ZNF721: variants seen among roughly 807,000 people sequenced by gnomAD.
ZNF721 encodes the protein zinc finger protein 721.
In ZNF721, 2 loss-of-function variants were observed where a neutral mutation model predicts 2.4. The observed-to-expected ratio is 0.82, with a 90% CI of 0.34 to 2.58. The LOEUF (loss-of-function observed/expected upper bound fraction) is 2.58. ZNF721 is among the 30% of genes most tolerant of loss of function. The pLI is 0.11. For synonymous variants in ZNF721, 398 were observed against 381.8 expected (o/e 1.04, Z -0.50); for missense variants, 1,187 against 1,085.5 (o/e 1.09, Z -1.31).
chr4:489,305 A>G (rs1715968768), intron 1 of ZNF721, among the ~76,000 whole-genome samples: 1 of 152,130 alleles, frequency 6.6e-6, no homozygotes, highest in East Asian at 1.9e-4. Flanking sequence ...TGCCACATAA[A>G]AGACCCAGAA....
chr4:451,271 C>G (rs192255299), intron 2 of ZNF721, among the ~76,000 whole-genome samples: 2 of 152,088 alleles, frequency 1.3e-5, no homozygotes, highest in African/African-American at 4.8e-5. Flanking sequence ...AGCCCCTTGA[C>G]GTCTTCAGCC....
intron 1 of ZNF721, among the ~76,000 whole-genome samples, chr4:486,098 G>C (rs1190475376): frequency 1.3e-5 from 2 of 152,060 alleles, no homozygotes; most frequent in Non-Finnish European, 1.5e-5. Context: ...ATGCATCCAA[G>C]GGTAAGAAGC....
rs150978468 is a variant in ZNF721 at position 446,878 on chromosome 4, A to T, written c.35-2446T>A. Among the ~76,000 whole-genome samples the T allele has an allele frequency of 4.6e-3, 695 of 151,314 alleles. 3 individuals carry two copies. The highest frequency in any genetic ancestry group is 7.8e-3 in the Non-Finnish European group (531 of 67,854). On this transcript the variant is annotated intron_variant, in intron 2 of 2. Transcript: ENST00000511833. ...GCAAATTTTTGCATTTCTGGTGAAG[A>T]TGGGGTTTCAACATGTTGACCAGGA...
chr4:487,450 GAGGCAAAC>G (rs2108721896), intron 1 of ZNF721, among the ~76,000 whole-genome samples: 1 of 152,268 alleles, frequency 6.6e-6, no homozygotes, highest in East Asian at 1.9e-4. Flanking sequence ...ACACCTGAAG[GAGGCAAAC>G]TGAGCCCAGA....
chr4:478,826 G>A (rs1367779674), intron 1 of ZNF721, among the ~76,000 whole-genome samples: 11 of 149,754 alleles, frequency 7.3e-5, no homozygotes, highest in African/African-American at 2.5e-4. Flanking sequence ...CTGGAGTGCA[G>A]TGGCACGATC....
chr4:484,658 AG>A (rs1210970806), intron 1 of ZNF721, among the ~76,000 whole-genome samples: 1 of 152,196 alleles, frequency 6.6e-6, no homozygotes, highest in Admixed American at 6.5e-5. Flanking sequence ...CAGGCTTATT[AG>A]GAAGAGGAAA....
At chr4:458,573 G>A (rs1048290028) in intron 2 of ZNF721, among the ~76,000 whole-genome samples, 10 of 152,168 alleles carry the variant, frequency 6.6e-5, no homozygotes, top group East Asian at 5.8e-4. Context: ...TAAGCCAGGC[G>A]TGGTAGCTCA....
chr4:443,684 G>A lies in ZNF721; in HGVS notation c.783C>T (p.Ser261=). 1 of 1,613,908 alleles carries A rather than the reference G, an allele frequency of 6.2e-7. No individual in the cohort carries two copies. Among genetic ancestry groups the A allele is most frequent in the Non-Finnish European group, 8.5e-7 (1 of 1,179,894 alleles). ...CKECGKVISS[S]SSFAKHKRIH... The stretch of plus-strand genomic sequence containing the variant: ...TCCTCTTATGTTTAGCAAAGCTTGA[G>A]GATGAGGAAATGACTTTGCCACATT... The change falls in exon 3 of 3, where the codon TCC becomes TCT. Residue 261 remains serine (S), a synonymous_variant. Transcript: ENST00000511833.
intron 2 of ZNF721, among the ~76,000 whole-genome samples, chr4:465,592 C>T (rs188318024): frequency 2.2e-3 from 330 of 151,950 alleles, no homozygotes; most frequent in African/African-American, 7.5e-3. Context: ...CCACCATGCC[C>T]GGCTAATTTT....
chr4:451,873 T>C (rs1343602868), intron 2 of ZNF721, among the ~76,000 whole-genome samples: 1 of 152,146 alleles, frequency 6.6e-6, no homozygotes, highest in African/African-American at 2.4e-5. Flanking sequence ...CCCTTGGCCA[T>C]TGAGTGGTCC....
At chr4:484,284 A>AT (rs1463972075) in intron 1 of ZNF721, among the ~76,000 whole-genome samples, 2 of 152,142 alleles carry the variant, frequency 1.3e-5, no homozygotes, top group African/African-American at 2.4e-5. Flanking sequence ...AGGAGGATGT[A>AT]TATCGCCTCA....
At chr4:498,871 C>T (rs1425133445) in intron 1 of ZNF721, among the ~76,000 whole-genome samples, 185 bp downstream of exon 1, 1 of 151,872 alleles carries the variant, frequency 6.6e-6, no homozygotes, top group Non-Finnish European at 1.5e-5. Flanking sequence ...ACGACAGGCA[C>T]CCGCCATCAC....
rs187811907 is a variant in ZNF721, at chr4:473,645, A to C, written c.-93-944T>G. 8.3e-3 allele frequency among the ~76,000 whole-genome samples: 1,264 copies of C among 152,280 alleles called. 15 individuals carry two copies. Among genetic ancestry groups the C allele is most frequent in the Middle Eastern group, 0.054 (16 of 294 alleles). On this transcript the variant is annotated intron_variant, in intron 1 of 2. Coordinates refer to ENST00000511833, the MANE Select transcript of ZNF721 (RefSeq NM_133474.4). ...TGATGGGGCCTCGATCTCATTCCGT[A>C]AAGTAGGGACAGGACCCCTGGACCA...
intron 1 of ZNF721, among the ~76,000 whole-genome samples, chr4:498,075 C>A (rs1173593618): frequency 6.7e-6 from 1 of 149,982 alleles, no homozygotes; most frequent in Non-Finnish European, 1.5e-5. Context: ...CGTGGTGGCA[C>A]GCACCTGTAA....
At chr4:480,034 T>C (rs1715733863) in intron 1 of ZNF721, among the ~76,000 whole-genome samples, 1 of 152,214 alleles carries the variant, frequency 6.6e-6, no homozygotes. Flanking sequence ...CACCTGGGTA[T>C]GGTGATTTTG....
chr4:485,013 T>C (rs1429729071), intron 1 of ZNF721, among the ~76,000 whole-genome samples: 9 of 152,176 alleles, frequency 5.9e-5, no homozygotes, highest in Non-Finnish European at 1.3e-4. Flanking sequence ...TTTTGTACTC[T>C]GTCCCTTTAT....
In ZNF721 at chr4:441,719, A is replaced by C; in HGVS notation, c.2748T>G (p.Thr916=). Residue 916 remains threonine (T), a synonymous_variant, in exon 3 of 3, where the codon ACT becomes ACG. Transcript: ENST00000511833. ...ANLYAHKKIH[T]GDKTIQV ...TTTACACTTGTATGGTTTTATCTCC[A>C]GTATGAATTTTCTTATGTGCATAAA... The C allele has an allele frequency of 2.5e-6, 4 of 1,611,282 alleles. No individual in the cohort carries two copies. Among genetic ancestry groups the C allele is most frequent in the Non-Finnish European group, 3.4e-6 (4 of 1,178,300 alleles).
At chr4:473,806 C>A (rs1715540569) in intron 1 of ZNF721, among the ~76,000 whole-genome samples, 1 of 152,216 alleles carries the variant, frequency 6.6e-6, no homozygotes, top group African/African-American at 2.4e-5. Flanking sequence ...TGGGCCAGAG[C>A]AGCCTTGCGG....
At chr4:450,349 T>C (rs1358535183) in intron 2 of ZNF721, among the ~76,000 whole-genome samples, 1 of 152,186 alleles carries the variant, frequency 6.6e-6, no homozygotes, top group African/African-American at 2.4e-5. Context: ...CAATACAGAA[T>C]ACAATTTTGA....
Sources: allele counts gnomAD v4.1 joint callset (sites outside exome capture counted in the v4.1 genomes callset), GRCh38; gene constraint gnomAD v4.1.1; transcripts MANE v1.5; gene names NCBI Gene and HGNC (gene_info 2026-07-23, HGNC 2026-07-21).